Variants in C3orf33 observed in about 807,000 individuals in gnomAD.
C3orf33 encodes AP-1 activity suppressor.
A neutral mutation model predicts 28.7 loss-of-function variants in C3orf33; 23 were observed. The observed-to-expected ratio is 0.80, with a 90% CI of 0.58 to 1.13. C3orf33 has a LOEUF of 1.13. C3orf33 is among the 50% of genes most tolerant of loss of function. C3orf33 has a pLI of 0.00. For missense variants in C3orf33, 327 were observed against 353.4 expected, an observed-to-expected ratio of 0.93 and a Z score of 0.60; for synonymous variants, 119 against 120.5, an observed-to-expected ratio of 0.99 and a Z score of 0.08.
Position 155,802,671 on chromosome 3 carries a change from A to G in C3orf33, c.115-80T>C, listed in dbSNP as rs1751683364. The G allele has an allele frequency of 2.9e-6, 3 of 1,050,360 alleles. No individual in the cohort carries two copies. In the Admixed American group the frequency reaches 7.3e-5, roughly 26 times the overall value. The allele number at this position is 1,050,360 out of a possible 1,614,324, so 65.1% of individuals were successfully genotyped here. ...AAGCACTAATTAGAAGGTAGAAAAA[A>G]AGAAGACTGTCCTCTCTATATCTAA... On this transcript the variant is annotated intron_variant, in intron 1 of 4. Coordinates refer to ENST00000340171, the MANE Select transcript of C3orf33 (RefSeq NM_001308229.2).
At chr3:155,806,101 C>T in intron 1 of C3orf33, 38 bp downstream of exon 1, 13 of 1,343,830 alleles carry the variant, frequency 9.7e-6, no homozygotes, top group South Asian at 1.6e-5. Flanking sequence ...TGTGCCGCCC[C>T]GCGCCCACCA....
In C3orf33 at chr3:155,769,512, AG is replaced by A. The variant is rs1559988299; in HGVS notation, c.323-1844del. On this transcript the variant is annotated intron_variant, in intron 3 of 4. Coordinates refer to ENST00000340171, the MANE Select transcript of C3orf33 (RefSeq NM_001308229.2). Reference sequence around the variant, plus strand: ...AAAAAAAAAAAAAAAAAGAAGAAGAAGAAAAAGGTATTTGTAGAATGATCAT... The same window carrying A: ...AAAAAAAAAAAAAAAAAGAAGAAGAAAAAAAGGTATTTGTAGAATGATCAT... Among the ~76,000 whole-genome samples the A allele has an allele frequency of 2.0e-5, 3 of 152,068 alleles. No individual in the cohort carries two copies. In the South Asian group the frequency reaches 6.2e-4, roughly 32 times the overall value.
chr3:155,806,085 T>C, intron 1 of C3orf33, 54 bp downstream of exon 1: 1 of 1,241,280 alleles, frequency 8.1e-7, no homozygotes, highest in Non-Finnish European at 1.1e-6. Flanking sequence ...GTTCTCAGGG[T>C]CGCTCTGTGC....
intron 2 of C3orf33, among the ~76,000 whole-genome samples, chr3:155,778,724 T>C (rs545854572): frequency 2.4e-4 from 36 of 152,318 alleles, no homozygotes; most frequent in African/African-American, 8.2e-4. Flanking sequence ...AAATACAGAT[T>C]AAATATGCAC....
intron 2 of C3orf33, among the ~76,000 whole-genome samples, chr3:155,783,159 T>A (rs903129022): frequency 6.8e-6 from 1 of 147,280 alleles, no homozygotes; most frequent in African/African-American, 2.5e-5. Flanking sequence ...CATTCTACAT[T>A]TTTTTTTTTT....
intron 2 of C3orf33, among the ~76,000 whole-genome samples, chr3:155,792,119 C>G (rs1751332489): frequency 6.6e-6 from 1 of 152,116 alleles, no homozygotes; most frequent in East Asian, 1.9e-4. Context: ...CTCCAGGCAC[C>G]TTGACACAGA....
rs1750735203 is a variant in C3orf33 at position 155,775,966 on chromosome 3, T to C, written c.175-118A>G. ...ACATAACCATGAACATTTTAAAATT[T>C]AGTTCCTAATTTTATATTACTTTAA... On this transcript the variant is annotated intron_variant, in intron 2 of 4. Coordinates refer to ENST00000340171, the MANE Select transcript of C3orf33 (RefSeq NM_001308229.2). The C allele has an allele frequency of 5.9e-6, 4 of 681,964 alleles. No individual in the cohort carries two copies. In the South Asian group the frequency reaches 8.2e-5, roughly 14 times the overall value. 42.2% of individuals were successfully genotyped at this position (681,964 alleles called of 1,614,324 possible).
chr3:155,786,033 GAAAGGAAAGGAAAAAGGA>G lies in C3orf33; in HGVS notation c.175-10203_175-10186del, dbSNP rs569440912. On this transcript the variant is annotated intron_variant, in intron 2 of 4. Coordinates refer to ENST00000340171, the MANE Select transcript of C3orf33 (RefSeq NM_001308229.2). ...CCAGCCTGTCTCAGAAAGGAAAAGG[GAAAGGAAAGGAAAAAGGA>G]AAAGGAAAGGAAAAAGGGAAGGAAA... 4.5e-3 allele frequency among the ~76,000 whole-genome samples: 641 copies of G among 142,474 alleles called. 9 individuals are homozygous for G. The highest frequency in any genetic ancestry group is 0.018 in the African/African-American group (596 of 33,778). 93.5% of individuals were successfully genotyped at this position (142,474 alleles called of 152,430 possible).
At chr3:155,795,819 G>A (rs1751459862) in intron 2 of C3orf33, among the ~76,000 whole-genome samples, 1 of 151,900 alleles carries the variant, frequency 6.6e-6, no homozygotes, top group Admixed American at 6.6e-5. Flanking sequence ...AGCCAGATGT[G>A]GTGGTGCATG....
At chr3:155,774,797 C>G (rs1750692311) in intron 3 of C3orf33, among the ~76,000 whole-genome samples, 1 of 151,532 alleles carries the variant, frequency 6.6e-6, no homozygotes. Flanking sequence ...TTACACCCTT[C>G]CTCCCTGTGC....
intron 2 of C3orf33, among the ~76,000 whole-genome samples, chr3:155,794,033 G>A (rs1371114810): frequency 6.6e-6 from 1 of 151,524 alleles, no homozygotes; most frequent in East Asian, 2.0e-4. Context: ...GCCCAGGCTG[G>A]AGTGCAGTGG....
intron 2 of C3orf33, among the ~76,000 whole-genome samples, chr3:155,801,236 A>G (rs532907): frequency 0.81 from 122,057 of 150,838 alleles, 49,473 homozygotes; most frequent in Middle Eastern, 0.85. Flanking sequence ...GCTTGAACCC[A>G]GGAGGTGGAA....
rs1048244691 is a variant in C3orf33, at chr3:155,763,256, C to A, written c.*261G>T. 2 of 270,250 alleles carry A rather than the reference C, an allele frequency of 7.4e-6. No homozygotes were observed. The highest frequency in any genetic ancestry group is 4.4e-5 in the African/African-American group (2 of 45,674). The allele number at this position is 270,250 out of a possible 1,614,324, so 16.7% of individuals were successfully genotyped here. A position where few individuals can be genotyped will look rare whatever the true frequency, so the allele number is the denominator to read the frequency against. On this transcript the variant is annotated 3_prime_UTR_variant, in exon 5 of 5. Coordinates refer to ENST00000340171, the MANE Select transcript of C3orf33 (RefSeq NM_001308229.2). ...GTTAAACTTTCTCTTCACACATTAGCACTATATATGTAAATCATTCAGCCT... is the reference window on the plus strand; with the variant it reads ...GTTAAACTTTCTCTTCACACATTAGAACTATATATGTAAATCATTCAGCCT...
Position 155,763,371 on chromosome 3 carries a change from A to C in C3orf33, c.*146T>G, listed in dbSNP as rs568121677. 5 of 490,196 alleles carry C rather than the reference A, an allele frequency of 1.0e-5. No homozygotes were observed. Among genetic ancestry groups the C allele is most frequent in the African/African-American group, 6.0e-5 (3 of 49,772 alleles). The allele number at this position is 490,196 out of a possible 1,614,324, so 30.4% of individuals were successfully genotyped here. ...AATTAATTCTGACATTATGCTTATA[A>C]TAATCATCTCTTTTTAATATTTAAA... On this transcript the variant is annotated 3_prime_UTR_variant, in exon 5 of 5. Transcript: ENST00000340171.
intron 2 of C3orf33, among the ~76,000 whole-genome samples, chr3:155,795,645 A>T (rs1380551025): frequency 3.3e-5 from 5 of 152,220 alleles, no homozygotes; most frequent in Middle Eastern, 6.8e-3. Flanking sequence ...AAAGAAATTT[A>T]AAAATTTCTT....
At chr3:155,769,017 A>G (rs1200214616) in intron 3 of C3orf33, among the ~76,000 whole-genome samples, 1 of 151,982 alleles carries the variant, frequency 6.6e-6, no homozygotes, top group Non-Finnish European at 1.5e-5. Context: ...CTCTACTAAA[A>G]ATACAAAAAT....
intron 4 of C3orf33, among the ~76,000 whole-genome samples, chr3:155,764,742 G>A (rs770335893): frequency 5.3e-5 from 8 of 151,794 alleles, no homozygotes; most frequent in Non-Finnish European, 7.4e-5. Flanking sequence ...TGTAATCCCA[G>A]CCACTCAGAA....
At chr3:155,793,834 A>AAAAAAAAAAAAC (rs778070795) in intron 2 of C3orf33, among the ~76,000 whole-genome samples, 5 of 146,594 alleles carry the variant, frequency 3.4e-5, no homozygotes, top group Admixed American at 6.8e-5. Context: ...AAAACTAAAA[A>AAAAAAAAAAAAC]AACTAAAAAA....
At position 155,767,569 on chromosome 3, in the gene C3orf33, T is replaced by C. The variant is rs537895789; in HGVS notation, c.423A>G (p.Leu141=). The change falls in exon 4 of 5, where the codon CTA becomes CTG. Residue 141 remains leucine (L), a synonymous_variant. Coordinates refer to ENST00000340171, the MANE Select transcript of C3orf33 (RefSeq NM_001308229.2). ...LQKELKPSQL[L]WFQLLGKENS... is the part of the protein sequence containing the mutation. ...TCTCCTTTCCAAGAAGTTGGAACCA[T>C]AGTAATTGGGAAGGTTTTAGCTCTT... is the stretch of plus-strand genomic sequence containing the variant. The C allele has an allele frequency of 1.2e-4, 184 of 1,597,850 alleles. 3 individuals are homozygous for C. In the South Asian group the frequency reaches 2.0e-3, roughly 17 times the overall value.
Sources: gnomAD v4.1 joint callset for allele counts (sites outside exome capture counted in the v4.1 genomes callset) on GRCh38, gnomAD v4.1.1 for gene constraint, MANE v1.5 for transcripts, NCBI Gene and HGNC (gene_info 2026-07-23, HGNC 2026-07-21) for gene names.